Variants in PPOX observed in about 807,000 individuals in gnomAD.
PPOX encodes variegate porphyria.
In PPOX, 23 loss-of-function variants were observed where a neutral mutation model predicts 54.1. The observed-to-expected ratio is 0.43, with a 90% confidence interval of 0.31 to 0.60. The LOEUF is 0.60. Ranked by LOEUF, PPOX falls within the 20% of genes least tolerant of loss-of-function variation. The pLI is 0.13. For missense variants in PPOX, 512 were observed against 601.1 expected (o/e 0.85, Z 1.55); for synonymous variants, 224 against 236.1 (o/e 0.95, Z 0.47).
downstream of PPOX, chr1:161,172,436 A>C (rs1661795696): frequency 1.1e-6 from 1 of 934,050 alleles, no homozygotes; most frequent in African/African-American, 1.7e-5. Flanking sequence ...CTTAGTAGGC[A>C]AAAGAAAAAA....
chr1:161,170,275 A>C, intron 9 of PPOX, 134 bp from the exon 10 acceptor site: 2 of 875,152 alleles, frequency 2.3e-6, no homozygotes, highest in Non-Finnish European at 3.7e-6. Context: ...CAGTGAGCTG[A>C]GATCTCGCCA....
intron 9 of PPOX, 99 bp downstream of exon 9, chr1:161,170,123 G>A (rs980349275): frequency 4.3e-5 from 60 of 1,406,640 alleles, no homozygotes; most frequent in African/African-American, 5.7e-5. Context: ...TCAGGAGTTC[G>A]AGACCAGCCT....
Position 161,176,672 on chromosome 1 carries a change from A to T in PPOX, c.373-177A>T, listed in dbSNP as rs956299157. On this transcript the variant is annotated intron_variant, in intron 4 of 4. Coordinates refer to the PPOX transcript ENST00000497522. Reference sequence around the variant, plus strand: ...GGTTTCCCAGCAGGCGAAGTGAAGGAAAGTGGTTGGAAAGGAAGAGGAGGA... The same window carrying T: ...GGTTTCCCAGCAGGCGAAGTGAAGGTAAGTGGTTGGAAAGGAAGAGGAGGA... 149 of 603,432 alleles carry T rather than the reference A, an allele frequency of 2.5e-4. 1 individual carries two copies. In the East Asian group the frequency reaches 3.8e-3, roughly 16 times the overall value. 37.4% of individuals were successfully genotyped at this position (603,432 alleles called of 1,614,324 possible).
Position 161,171,063 on chromosome 1 carries a change from A to G in PPOX, c.1321A>G (p.Arg441Gly). The change falls in exon 13 of 13, where the codon AGG (arginine) becomes GGG (glycine). Residue 441 changes from arginine (R) to glycine (G), a missense_variant. Physicochemically the swap from Arg to Gly is moderately radical, Grantham distance 125. Transcript: ENST00000367999. ...ESARQFLTAH[R>G]LPLTLAGASY... ...AGCTAGGCAATTCCTGACTGCTCAC[A>G]GGTTGCCCCTGACTCTGGCTGGAGC... 1 of 1,614,206 alleles carries G rather than the reference A, an allele frequency of 6.2e-7. No individual in the cohort carries two copies. Among genetic ancestry groups the G allele is most frequent in the Non-Finnish European group, 8.5e-7 (1 of 1,180,034 alleles).
In PPOX at chr1:161,167,519, C is replaced by A. The variant is rs780413465; in HGVS notation, c.338+33C>A. ...CAGCACCTCCGCTCCTTTTACTGTG[C>A]CCTCATCCTCATATGCCTTCCATTT... On this transcript the variant is annotated intron_variant, in intron 4 of 12. Transcript: ENST00000367999. 5 of 1,529,580 alleles carry A rather than the reference C, an allele frequency of 3.3e-6. No individual in the cohort carries two copies. The African/African-American group carries it at 6.9e-5, about 21-fold the overall frequency. The allele number at this position is 1,529,580 out of a possible 1,614,324, so 94.8% of individuals were successfully genotyped here.
At chr1:161,170,321 T>TGGGGCGGCCCCCC in intron 9 of PPOX, 88 bp from the exon 10 acceptor site, 1 of 367,768 alleles carries the variant, frequency 2.7e-6, no homozygotes, top group Non-Finnish European at 5.3e-6. Context: ...TGAGACTCTG[T>TGGGGCGGCCCCCC]CCCCCCCACC....
upstream of PPOX, chr1:161,165,780 A>G: frequency 4.9e-6 from 1 of 205,192 alleles, no homozygotes; most frequent in Non-Finnish European, 1.0e-5. Flanking sequence ...GCCAAATTGG[A>G]GTCTTCTTGG....
downstream of PPOX, chr1:161,176,219 G>C (rs905022007): frequency 2.6e-5 from 23 of 879,046 alleles, no homozygotes; most frequent in African/African-American, 3.7e-4. Flanking sequence ...CAGGTGCACA[G>C]TCACGCAAGG....
At chr1:161,169,633 G>A in intron 7 of PPOX, 27 bp from the exon 8 acceptor site, 9 of 1,610,010 alleles carry the variant, frequency 5.6e-6, no homozygotes, top group Non-Finnish European at 6.0e-6. Flanking sequence ...CATTTTCTGG[G>A]TCTCTCAAAT....
chr1:161,169,751 A>G (rs1001979984), intron 8 of PPOX, 31 bp downstream of exon 8: 11 of 1,613,506 alleles, frequency 6.8e-6, no homozygotes, highest in Admixed American at 1.7e-5. Flanking sequence ...CCCTTCCCCA[A>G]CCCCTACCAG....
Position 161,168,087 on chromosome 1 carries a change from A to G in PPOX, c.431A>G (p.Glu144Gly). 1.2e-6 allele frequency: 2 copies of G among 1,614,134 alleles called. No individual in the cohort carries two copies. Among genetic ancestry groups the G allele is most frequent in the Non-Finnish European group, 1.7e-6 (2 of 1,180,038 alleles). Residue 144 changes from glutamate to glycine, a missense_variant, in exon 5 of 13, where the codon GAG becomes GGG. Coordinates refer to ENST00000367999, the MANE Select transcript of PPOX (RefSeq NM_001122764.3). The stretch of plus-strand genomic sequence containing the variant: ...AAGCCCCGGGGCAAAGAGCCTGATG[A>G]GACTGTGCACAGTTTTGCCCAGCGC... ...LTKPRGKEPD[E>G]TVHSFAQRRL...
downstream of PPOX, chr1:161,176,157 T>G: frequency 6.9e-7 from 1 of 1,452,334 alleles, no homozygotes; most frequent in South Asian, 1.2e-5. Context: ...TTGAAGGTGA[T>G]GCCAGGGGTA....
rs1658991234 is a variant in PPOX at position 161,166,612 on chromosome 1, G to C, written c.-69G>C. 15 of 1,440,474 alleles carry C rather than the reference G, an allele frequency of 1.0e-5. No homozygotes were observed. Among genetic ancestry groups the C allele is most frequent in the Middle Eastern group, 2.6e-4 (1 of 3,910 alleles). The allele number at this position is 1,440,474 out of a possible 1,614,324, so 89.2% of individuals were successfully genotyped here. ...CTGCACCCAGCAGAGCGCCGGCGGG[G>C]TACGGTCTTAGGACCTCGATCTCCT... On this transcript the variant is annotated 5_prime_UTR_variant, in exon 1 of 13. Coordinates refer to ENST00000367999, the MANE Select transcript of PPOX (RefSeq NM_001122764.3).
rs776697807 is a variant in PPOX, at chr1:161,167,412, G to A, written c.264G>A (p.Arg88=). 1 of 1,613,834 alleles carries A rather than the reference G, an allele frequency of 6.2e-7. No individual in the cohort carries two copies. Among genetic ancestry groups the A allele is most frequent in the Admixed American group, 1.7e-5 (1 of 60,006 alleles). Residue 88 remains arginine (R), a synonymous_variant, in exon 4 of 13, where the codon CGG becomes CGA. Transcript: ENST00000367999. ...LGLDSEVLPV[R]GDHPAAQNRF... ...TGGATTCAGAAGTGCTGCCTGTCCGGGGAGACCACCCAGCTGCCCAGAACA... is the reference window on the plus strand; with the variant it reads ...TGGATTCAGAAGTGCTGCCTGTCCGAGGAGACCACCCAGCTGCCCAGAACA...
In PPOX at chr1:161,170,713, G is replaced by A; in HGVS notation, c.1192G>A (p.Ala398Thr). The A allele has an allele frequency of 1.2e-6, 2 of 1,614,124 alleles. No homozygotes were observed. Among genetic ancestry groups the A allele is most frequent in the Non-Finnish European group, 8.5e-7 (1 of 1,180,018 alleles). The change falls in exon 11 of 13, where the codon GCT becomes ACT. Residue 398 changes from alanine (A) to threonine (T), a missense_variant. Coordinates refer to ENST00000367999, the MANE Select transcript of PPOX (RefSeq NM_001122764.3). The part of the protein sequence containing the change: ...LFQQRAQEAA[A>T]TQLGLKEMPS... ...TCAACAGCGGGCCCAGGAAGCAGCT[G>A]CTACACAATTAGGACTGAAGGAGAT...
At chr1:161,167,590 G>A (rs1256323820) in intron 4 of PPOX, 104 bp downstream of exon 4, 4 of 1,174,008 alleles carry the variant, frequency 3.4e-6, no homozygotes, top group Non-Finnish European at 3.4e-6. Context: ...TTTTTGAGAC[G>A]GAGTATCGCT....
chr1:161,168,319 A>C lies in PPOX; in HGVS notation c.472-113A>C, dbSNP rs1162787287. The C allele has an allele frequency of 1.9e-6, 3 of 1,571,586 alleles. No homozygotes were observed. In the African/African-American group the frequency reaches 4.1e-5, roughly 21 times the overall value. ...CTTCATTTCCATCCGTCACAGTGGG[A>C]ATGTCCCCCAACCCAAACCCTATCC... On this transcript the variant is annotated intron_variant, in intron 5 of 12. Transcript: ENST00000367999.
chr1:161,166,255 C>CG, upstream of PPOX: 1 of 965,156 alleles, frequency 1.0e-6, no homozygotes, highest in Non-Finnish European at 1.2e-6. Context: ...CGGGTACGGC[C>CG]GCTCACTCCC....
upstream of PPOX, chr1:161,166,144 C>T (rs1241649149): frequency 1.0e-6 from 1 of 985,272 alleles, no homozygotes; most frequent in Non-Finnish European, 1.2e-6. Context: ...TGCGGCCTTC[C>T]CTCTAGGGTT....
Sources: gnomAD v4.1 joint callset for allele counts on GRCh38, gnomAD v4.1.1 for gene constraint, MANE v1.5 for transcripts, NCBI Gene and HGNC (gene_info 2026-07-23, HGNC 2026-07-21) for gene names.